The following BMPR1B variants were observed in gnomAD, a reference collection of about 807,000 sequenced individuals.
BMPR1B encodes the protein bone morphogenetic protein receptor type-1B.
Under a neutral mutation model 59.1 loss-of-function variants are expected in BMPR1B, and 12 were observed. The ratio of observed to expected loss-of-function variants is 0.20; its 90% CI spans 0.13 to 0.33. The LOEUF is 0.33. Ranked by LOEUF, BMPR1B falls within the 10% of genes least tolerant of loss-of-function variation. BMPR1B has a pLI of 1.00. For synonymous variants in BMPR1B, 237 were observed against 207.3 expected (o/e 1.14, Z -1.23); for missense variants, 550 against 610.9 (o/e 0.90, Z 1.05).
intron 1 of BMPR1B, among the ~76,000 whole-genome samples, chr4:94,819,145 T>A (rs34037032): frequency 0.21 from 30,856 of 148,014 alleles, 3,145 homozygotes; most frequent in South Asian, 0.3. Context: ...CAAATAAAAT[T>A]TTTTTTTTTT....
chr4:94,842,289 T>G (rs1725117681), intron 1 of BMPR1B, among the ~76,000 whole-genome samples: 1 of 152,158 alleles, frequency 6.6e-6, no homozygotes, highest in Non-Finnish European at 1.5e-5. Flanking sequence ...TACCAGGAGA[T>G]AAGTTTAAGC....
At chr4:94,952,428 T>C (rs1002903563) in intron 2 of BMPR1B, among the ~76,000 whole-genome samples, 1 of 152,206 alleles carries the variant, frequency 6.6e-6, no homozygotes, top group Non-Finnish European at 1.5e-5. Context: ...AACACTTCTT[T>C]AGCTGTGTCC....
chr4:95,137,451 T>C (rs2149310806), intron 10 of BMPR1B, among the ~76,000 whole-genome samples: 1 of 152,312 alleles, frequency 6.6e-6, no homozygotes, highest in Non-Finnish European at 1.5e-5. Flanking sequence ...TGAGTTCAAT[T>C]CCTGGATATC....
chr4:95,100,026 A>T (rs1179897622), intron 3 of BMPR1B, among the ~76,000 whole-genome samples: 3 of 152,280 alleles, frequency 2.0e-5, no homozygotes, highest in African/African-American at 7.2e-5. Flanking sequence ...AACATCTTAG[A>T]GTTCTCTCTT....
intron 2 of BMPR1B, among the ~76,000 whole-genome samples, chr4:94,898,696 C>G (rs1157078093): frequency 5.5e-5 from 7 of 127,256 alleles, no homozygotes; most frequent in Non-Finnish European, 1.1e-4. Flanking sequence ...AGTATGAGAA[C>G]AGACTAATAT....
chr4:94,855,187 GA>G (rs950986905), intron 1 of BMPR1B, among the ~76,000 whole-genome samples: 3 of 152,032 alleles, frequency 2.0e-5, no homozygotes, highest in Non-Finnish European at 4.4e-5. Context: ...TATGTGGGGG[GA>G]TAAGAACACC....
At chr4:94,909,021 G>T (rs368655035) in intron 2 of BMPR1B, among the ~76,000 whole-genome samples, 1 of 152,048 alleles carries the variant, frequency 6.6e-6, no homozygotes, top group Non-Finnish European at 1.5e-5. Flanking sequence ...ATCCTTTCTT[G>T]CCTTTTCCCA....
At chr4:94,949,282 G>T (rs1312470188) in intron 2 of BMPR1B, among the ~76,000 whole-genome samples, 1 of 148,182 alleles carries the variant, frequency 6.7e-6, no homozygotes, top group Non-Finnish European at 1.5e-5. Context: ...CTTCATCCAT[G>T]TCCCTGCAAA....
chr4:95,003,801 CTTTTTTTTTT>C lies in BMPR1B; in HGVS notation c.-18+7682_-18+7691del, dbSNP rs5860385. Among the ~76,000 whole-genome samples the C allele has an allele frequency of 4.7e-5, 4 of 84,560 alleles. No homozygotes were observed. In the South Asian group the frequency reaches 1.6e-3, roughly 33 times the overall value. 55.5% of individuals were successfully genotyped at this position (84,560 alleles called of 152,430 possible). A position where few individuals can be genotyped will look rare whatever the true frequency, so the allele number is the denominator to read the frequency against. ...AAACTTGGATATGACCAAAGTCCAT[CTTTTTTTTTT>C]TTTTTTTTTTTTTTGAGATGGAGTC... On this transcript the variant is annotated intron_variant, in intron 3 of 12. Transcript: ENST00000515059.
At chr4:95,107,674 G>A (rs977001054) in intron 4 of BMPR1B, among the ~76,000 whole-genome samples, 13 of 151,952 alleles carry the variant, frequency 8.6e-5, no homozygotes, top group South Asian at 8.3e-4. Context: ...TGAGAATTCC[G>A]AGGCTCTAAA....
At chr4:95,090,398 C>CA (rs1284240854) in intron 3 of BMPR1B, among the ~76,000 whole-genome samples, 1 of 151,724 alleles carries the variant, frequency 6.6e-6, no homozygotes, top group Non-Finnish European at 1.5e-5. Flanking sequence ...TGCTGTTAGG[C>CA]AAAGGTATCT....
At chr4:95,140,250 C>T (rs1263203796) in intron 10 of BMPR1B, among the ~76,000 whole-genome samples, 1 of 152,046 alleles carries the variant, frequency 6.6e-6, no homozygotes, top group African/African-American at 2.4e-5. Flanking sequence ...AGTGCCTTTC[C>T]CTGGTGCTCA....
At chr4:94,768,802 A>G (rs1232314333) in intron 1 of BMPR1B, among the ~76,000 whole-genome samples, 3 of 152,154 alleles carry the variant, frequency 2.0e-5, no homozygotes, top group African/African-American at 7.2e-5. Flanking sequence ...GTTTCACTTA[A>G]AATGTTTTGT....
At chr4:95,104,901 C>T (rs915987955) in intron 4 of BMPR1B, among the ~76,000 whole-genome samples, 6 of 145,022 alleles carry the variant, frequency 4.1e-5, no homozygotes, top group African/African-American at 1.6e-4. Context: ...CTGTCAAATG[C>T]GTGTGATTTT....
At chr4:95,091,024 G>A (rs910880219) in intron 3 of BMPR1B, among the ~76,000 whole-genome samples, 1 of 151,996 alleles carries the variant, frequency 6.6e-6, no homozygotes, top group Non-Finnish European at 1.5e-5. Context: ...GTAGTTGATT[G>A]GTTTGTGAAA....
intron 1 of BMPR1B, among the ~76,000 whole-genome samples, chr4:94,801,236 G>T (rs1285133963): frequency 6.6e-6 from 1 of 152,152 alleles, no homozygotes; most frequent in African/African-American, 2.4e-5. Context: ...AGTGTCATAT[G>T]CCTTATGACA....
At chr4:94,967,907 A>G (rs1256554064) in intron 2 of BMPR1B, among the ~76,000 whole-genome samples, 1 of 152,224 alleles carries the variant, frequency 6.6e-6, no homozygotes, top group East Asian at 1.9e-4. Flanking sequence ...AAAATAAATA[A>G]TATCCAGAAA....
At chr4:94,944,816 C>T (rs1729648908) in intron 2 of BMPR1B, among the ~76,000 whole-genome samples, 2 of 152,104 alleles carry the variant, frequency 1.3e-5, no homozygotes, top group Admixed American at 6.6e-5. Flanking sequence ...CCTACATTGA[C>T]TGGAGAGATT....
At chr4:94,763,684 G>C (rs1721865314) in intron 1 of BMPR1B, among the ~76,000 whole-genome samples, 1 of 152,188 alleles carries the variant, frequency 6.6e-6, no homozygotes, top group Non-Finnish European at 1.5e-5. Context: ...AACAAGTACA[G>C]ACACATCTGT....
Sources: allele counts gnomAD v4.1 joint callset (sites outside exome capture counted in the v4.1 genomes callset), GRCh38; gene constraint gnomAD v4.1.1; transcripts MANE v1.5; gene names NCBI Gene and HGNC (gene_info 2026-07-23, HGNC 2026-07-21).